Variants in CTAGE6 observed in about 807,000 individuals in gnomAD.
CTAGE6 encodes CTAGE family member 6.
Under a neutral mutation model 28.1 loss-of-function variants are expected in CTAGE6, and 2 were observed. The ratio of observed to expected loss-of-function variants is 0.07; its 90% CI spans 0.03 to 0.22. The LOEUF (loss-of-function observed/expected upper bound fraction) is 0.22. Ranked by LOEUF, CTAGE6 falls within the 10% of genes least tolerant of loss-of-function variation. CTAGE6 has a pLI of 1.00. For missense variants in CTAGE6, 51 were observed against 433.4 expected (o/e 0.12, Z 7.83); for synonymous variants, 9 against 151.0 (o/e 0.06, Z 6.90).
In CTAGE6 at chr7:143,755,851, T is replaced by C; in HGVS notation, c.1808A>G (p.Gln603Arg). The C allele has an allele frequency of 4.6e-6, 1 of 216,904 alleles. No individual in the cohort carries two copies. The highest frequency in any genetic ancestry group is 7.4e-6 in the Non-Finnish European group (1 of 134,338). 13.4% of individuals were successfully genotyped at this position (216,904 alleles called of 1,614,324 possible). A position where few individuals can be genotyped will look rare whatever the true frequency, so the allele number is the denominator to read the frequency against. The change falls in exon 1 of 1, where the codon CAG becomes CGG. Residue 603 changes from glutamine to arginine, a missense_variant. By Grantham distance (43) the Gln-to-Arg change is conservative. Transcript: ENST00000470691. ...TGGAGGAAACATCATCTTACAGTCC[T>C]GTTCCACCGGAGATGACAGGGACCC... ...DTGSLSSPVE[Q>R]DCKMMFPPPG... is the part of the protein sequence containing the mutation.
Position 143,756,301 on chromosome 7 carries a change from T to G in CTAGE6, c.1358A>C (p.Lys453Thr), listed in dbSNP as rs1043161405. ...TCTTTTCTCGTAGGAAATAACCTGC[T>G]TTTGATAAAAATGAACAGTTCTCTC... The part of the protein sequence containing the change: ...ELERTVHFYQ[K>T]QVISYEKRGH... The change falls in exon 1 of 1, where the codon AAG becomes ACG. Residue 453 changes from lysine (K) to threonine (T), a missense_variant. Transcript: ENST00000470691. 6.2e-7 allele frequency: 1 copy of G among 1,603,118 alleles called. No individual in the cohort carries two copies. The highest frequency in any genetic ancestry group is 1.4e-5 in the African/African-American group (1 of 73,782).
At position 143,756,423 on chromosome 7, in the gene CTAGE6, T is replaced by C. The variant is rs1810191294; in HGVS notation, c.1236A>G (p.Glu412=). ...LTVEENYRIE[E]EEKLSKVEEK... ...CTTCCACTTTAGAAAGCTTCTCTTCTTCCTCTATTCGGTAATTTTCCTCCA... is the reference window on the plus strand; with the variant it reads ...CTTCCACTTTAGAAAGCTTCTCTTCCTCCTCTATTCGGTAATTTTCCTCCA... The change falls in exon 1 of 1, where the codon GAA becomes GAG. Residue 412 remains glutamate (E), a synonymous_variant. Transcript: ENST00000470691. 6.2e-7 allele frequency: 1 copy of C among 1,606,900 alleles called. No homozygotes were observed. The highest frequency in any genetic ancestry group is 8.5e-7 in the Non-Finnish European group (1 of 1,175,282).
Position 143,756,575 on chromosome 7 carries a change from G to C in CTAGE6, c.1084C>G (p.Gln362Glu), listed in dbSNP as rs1312565882. The C allele has an allele frequency of 6.2e-7, 1 of 1,600,788 alleles. No homozygotes were observed. Among genetic ancestry groups the C allele is most frequent in the African/African-American group, 1.4e-5 (1 of 73,792 alleles). Reference sequence around the variant, plus strand: ...TTTTCTGATTGCAAAGATTCTTGTTGAGTCTGAAGATTTTTAATATGCTCT... The same window carrying C: ...TTTTCTGATTGCAAAGATTCTTGTTCAGTCTGAAGATTTTTAATATGCTCT... ...LTEHIKNLQT[Q>E]QESLQSENIY... The change falls in exon 1 of 1, where the codon CAA (glutamine) becomes GAA (glutamate). Residue 362 changes from glutamine (Q) to glutamate (E), a missense_variant. By Grantham distance (29) the Gln-to-Glu change is conservative (BLOSUM62 2). Coordinates refer to ENST00000470691, the MANE Select transcript of CTAGE6 (RefSeq NM_178561.5).
Position 143,756,584 on chromosome 7 carries a change from G to C in CTAGE6, c.1075C>G (p.Leu359Val). 6.2e-7 allele frequency: 1 copy of C among 1,600,594 alleles called. No individual in the cohort carries two copies. The highest frequency in any genetic ancestry group is 2.2e-5 in the East Asian group (1 of 44,694). Residue 359 changes from leucine to valine, a missense_variant, in exon 1 of 1, where the codon CTT becomes GTT. Leu to Val is a conservative substitution (Grantham distance 32, BLOSUM62 1). Transcript: ENST00000470691. ...TGCAAAGATTCTTGTTGAGTCTGAA[G>C]ATTTTTAATATGCTCTGTAAGCTCT... ...KEELTEHIKN[L>V]QTQQESLQSE... is the part of the protein sequence containing the mutation.
chr7:143,757,076 AGAT>A lies in CTAGE6; in HGVS notation c.580_582del (p.Ile194del). Reference sequence around the variant, plus strand: ...TCTTCACTCATTTTAAATGTCTTGCAGATGATTTTGGCTTCAGCTATTTGTGAT... The same window carrying A: ...TCTTCACTCATTTTAAATGTCTTGCAGATTTTGGCTTCAGCTATTTGTGAT... On this transcript the variant is annotated inframe_deletion, in exon 1 of 1. Transcript: ENST00000470691. 2 of 857,568 alleles carry A rather than the reference AGAT, an allele frequency of 2.3e-6. No homozygotes were observed. Among genetic ancestry groups the A allele is most frequent in the South Asian group, 1.6e-5 (1 of 61,030 alleles). 53.1% of individuals were successfully genotyped at this position (857,568 alleles called of 1,614,324 possible).
chr7:143,756,125 T>C lies in CTAGE6; in HGVS notation c.1534A>G (p.Thr512Ala). Residue 512 changes from threonine (T) to alanine (A), a missense_variant, in exon 1 of 1, where the codon ACA (threonine) becomes GCA (alanine). Physicochemically the swap from Thr to Ala is moderately conservative, Grantham distance 58 (BLOSUM62 0). Transcript: ENST00000470691. ...KDPNALDVSN[T>A]AFGREHAPNG... ...GGGGCATGCTCTCTGCCAAATGCTG[T>C]ATTTGAAACATCAAGTGCATTAGGA... 3.0e-6 allele frequency: 4 copies of C among 1,339,566 alleles called. 1 individual carries two copies. The allele number at this position is 1,339,566 out of a possible 1,614,324, so 83.0% of individuals were successfully genotyped here.
Position 143,756,516 on chromosome 7 carries a change from T to G in CTAGE6, c.1143A>C (p.Gln381His), listed in dbSNP as rs766142704. ...ATTCAGTCATTATTTTAAGTTTCTGTTGAAGCTTCTGATTCTCACTTTCAA... is the reference window on the plus strand; with the variant it reads ...ATTCAGTCATTATTTTAAGTTTCTGGTGAAGCTTCTGATTCTCACTTTCAA... ...IYFESENQKL[Q>H]QKLKIMTEFY... Residue 381 changes from glutamine (Q) to histidine (H), a missense_variant, in exon 1 of 1, where the codon CAA becomes CAC. Gln to His is a conservative substitution (Grantham distance 24). Coordinates refer to ENST00000470691, the MANE Select transcript of CTAGE6 (RefSeq NM_178561.5). 4 of 1,604,874 alleles carry G rather than the reference T, an allele frequency of 2.5e-6. No homozygotes were observed. The East Asian group carries it at 6.7e-5, about 27-fold the overall frequency.
chr7:143,756,416 T>G lies in CTAGE6; in HGVS notation c.1243A>C (p.Lys415Gln). 1 of 1,607,072 alleles carries G rather than the reference T, an allele frequency of 6.2e-7. No homozygotes were observed. ...EENYRIEEEE[K>Q]LSKVEEKLSR... ...AGCTTTTCTTCCACTTTAGAAAGCT[T>G]CTCTTCTTCCTCTATTCGGTAATTT... Residue 415 changes from lysine to glutamine, a missense_variant, in exon 1 of 1, where the codon AAG (lysine) becomes CAG (glutamine). Transcript: ENST00000470691.
At position 143,756,489 on chromosome 7, in the gene CTAGE6, G is replaced by C; in HGVS notation, c.1170C>G (p.Phe390Leu). 1 of 1,605,494 alleles carries C rather than the reference G, an allele frequency of 6.2e-7. No individual in the cohort carries two copies. Among genetic ancestry groups the C allele is most frequent in the East Asian group, 2.2e-5 (1 of 44,832 alleles). Residue 390 changes from phenylalanine (F) to leucine (L), a missense_variant, in exon 1 of 1, where the codon TTC becomes TTG. Coordinates refer to ENST00000470691, the MANE Select transcript of CTAGE6 (RefSeq NM_178561.5). ...LQQKLKIMTEFYQEDEMKLYR... is the reference protein window; with the variant it reads ...LQQKLKIMTELYQEDEMKLYR... ...AGAGTTTCATTTCATCTTCTTGATA[G>C]AATTCAGTCATTATTTTAAGTTTCT... is the stretch of plus-strand genomic sequence containing the variant.
In CTAGE6 at chr7:143,755,558, C is replaced by T. The variant is rs1403645619; in HGVS notation, c.2101G>A (p.Val701Ile). The change falls in exon 1 of 1, where the codon GTC (valine) becomes ATC (isoleucine). Residue 701 changes from valine (V) to isoleucine (I), a missense_variant. Coordinates refer to ENST00000470691, the MANE Select transcript of CTAGE6 (RefSeq NM_178561.5). The part of the protein sequence containing the change: ...PGFIPPPLAP[V>I]RGPLFPVDTR... ...TCCACTGGAAACAATGGTCCTCTGA[C>T]TGGAGCAAGAGGTGGAGGAATAAAG... is the stretch of plus-strand genomic sequence containing the variant. The T allele has an allele frequency of 0.032, 130 of 4,042 alleles. 1 individual carries two copies. Among genetic ancestry groups the T allele is most frequent in the Non-Finnish European group, 0.034 (81 of 2,372 alleles). The allele number at this position is 4,042 out of a possible 1,614,324, so 0.3% of individuals were successfully genotyped here. A position where few individuals can be genotyped will look rare whatever the true frequency, so the allele number is the denominator to read the frequency against.
Position 143,755,760 on chromosome 7 carries a change from A to C in CTAGE6, c.1899T>G (p.Ser633=). 1 of 62,682 alleles carries C rather than the reference A, an allele frequency of 1.6e-5. No homozygotes were observed. The highest frequency in any genetic ancestry group is 2.5e-5 in the Non-Finnish European group (1 of 40,264). The allele number at this position is 62,682 out of a possible 1,614,324, so 3.9% of individuals were successfully genotyped here. A position where few individuals can be genotyped will look rare whatever the true frequency, so the allele number is the denominator to read the frequency against. ...GTTCTGCTGATCCAGACAGTCTTTC[A>C]GAATTAGAATAAAATCTGTCTTCCC... ...PQREDRFYSN[S]ERLSGSAEPR... is the part of the protein sequence containing the mutation. Residue 633 remains serine, a synonymous_variant, in exon 1 of 1, where the codon TCT becomes TCG. Coordinates refer to ENST00000470691, the MANE Select transcript of CTAGE6 (RefSeq NM_178561.5).
In CTAGE6 at chr7:143,756,336, T is replaced by C; in HGVS notation, c.1323A>G (p.Glu441=). The change falls in exon 1 of 1, where the codon GAA becomes GAG. Residue 441 remains glutamate, a synonymous_variant. Transcript: ENST00000470691. ...ETYRKLAKDL[E]EELERTVHFY... is the part of the protein sequence containing the mutation. ...AATGAACAGTTCTCTCCAATTCTTCTTCAAGATCTTTGGCTAGCTTTCTAT... is the reference window on the plus strand; with the variant it reads ...AATGAACAGTTCTCTCCAATTCTTCCTCAAGATCTTTGGCTAGCTTTCTAT... 1 of 1,605,312 alleles carries C rather than the reference T, an allele frequency of 6.2e-7. No homozygotes were observed. The highest frequency in any genetic ancestry group is 1.1e-5 in the South Asian group (1 of 89,978).
Position 143,757,463 on chromosome 7 carries a change from C to T in CTAGE6, c.196G>A (p.Val66Ile). The change falls in exon 1 of 1, where the codon GTT becomes ATT. Residue 66 changes from valine (V) to isoleucine (I), a missense_variant. Val to Ile is a conservative substitution (Grantham distance 29). Transcript: ENST00000470691. ...LLFLWRSFRS[V>I]RSRLYVGREQ... The stretch of plus-strand genomic sequence containing the variant: ...CTTCCCACGTAAAGCCGACTCCTAA[C>T]CGATCTAAAACTTCTCCACAAAAAA... 5.4e-6 allele frequency: 1 copy of T among 184,768 alleles called. No individual in the cohort carries two copies. The highest frequency in any genetic ancestry group is 8.8e-6 in the Non-Finnish European group (1 of 113,648). 11.4% of individuals were successfully genotyped at this position (184,768 alleles called of 1,614,324 possible).
Position 143,756,479 on chromosome 7 carries a change from C to T in CTAGE6, c.1180G>A (p.Asp394Asn), listed in dbSNP as rs1357835613. The T allele has an allele frequency of 8.1e-6, 13 of 1,605,552 alleles. 1 individual carries two copies. The highest frequency in any genetic ancestry group is 4.0e-5 in the African/African-American group (3 of 74,326). The stretch of plus-strand genomic sequence containing the variant: ...AATTTCCTATAGAGTTTCATTTCAT[C>T]TTCTTGATAGAATTCAGTCATTATT... ...LKIMTEFYQE[D>N]EMKLYRKLTV... The change falls in exon 1 of 1, where the codon GAT (aspartate) becomes AAT (asparagine). Residue 394 changes from aspartate (D) to asparagine (N), a missense_variant. Physicochemically the swap from Asp to Asn is conservative, Grantham distance 23 (BLOSUM62 1). Coordinates refer to ENST00000470691, the MANE Select transcript of CTAGE6 (RefSeq NM_178561.5).
chr7:143,756,486 A>G lies in CTAGE6; in HGVS notation c.1173T>C (p.Tyr391=). The G allele has an allele frequency of 1.2e-6, 2 of 1,605,578 alleles. No homozygotes were observed. Among genetic ancestry groups the G allele is most frequent in the Non-Finnish European group, 1.7e-6 (2 of 1,175,102 alleles). Residue 391 remains tyrosine, a synonymous_variant, in exon 1 of 1, where the codon TAT becomes TAC. Coordinates refer to ENST00000470691, the MANE Select transcript of CTAGE6 (RefSeq NM_178561.5). ...QQKLKIMTEF[Y]QEDEMKLYRK... ...TATAGAGTTTCATTTCATCTTCTTG[A>G]TAGAATTCAGTCATTATTTTAAGTT...
Position 143,756,537 on chromosome 7 carries a change from T to C in CTAGE6, c.1122A>G (p.Glu374=). 6.2e-7 allele frequency: 1 copy of C among 1,603,370 alleles called. No individual in the cohort carries two copies. Among genetic ancestry groups the C allele is most frequent in the Non-Finnish European group, 8.5e-7 (1 of 1,174,216 alleles). ...ESLQSENIYF[E]SENQKLQQKL... is the part of the protein sequence containing the mutation. Reference sequence around the variant, plus strand: ...TCTGTTGAAGCTTCTGATTCTCACTTTCAAAATATATGTTTTCTGATTGCA... The same window carrying C: ...TCTGTTGAAGCTTCTGATTCTCACTCTCAAAATATATGTTTTCTGATTGCA... Residue 374 remains glutamate (E), a synonymous_variant, in exon 1 of 1, where the codon GAA becomes GAG. Coordinates refer to ENST00000470691, the MANE Select transcript of CTAGE6 (RefSeq NM_178561.5).
rs199734118 is a variant in CTAGE6 at position 143,756,451 on chromosome 7, G to A, written c.1208C>T (p.Thr403Ile). The change falls in exon 1 of 1, where the codon ACA becomes ATA. Residue 403 changes from threonine (T) to isoleucine (I), a missense_variant. By Grantham distance (89) the Thr-to-Ile change is moderately conservative. Transcript: ENST00000470691. ...EDEMKLYRKLTVEENYRIEEE... is the reference protein window; with the variant it reads ...EDEMKLYRKLIVEENYRIEEE... ...CTCTATTCGGTAATTTTCCTCCACT[G>A]TTAATTTCCTATAGAGTTTCATTTC... 2,029 of 1,601,514 alleles carry A rather than the reference G, an allele frequency of 1.3e-3. 1 individual carries two copies. In the African/African-American group the frequency reaches 0.025, roughly 20 times the overall value.
rs1213672642 is a variant in CTAGE6, at chr7:143,756,694, G to C, written c.965C>G (p.Ala322Gly). Reference protein sequence around the residue: ...KGALKKLIHAAKLNVSLKSLE... With the variant: ...KGALKKLIHAGKLNVSLKSLE... ...GCTTTTTAAAGAAACATTTAACTTA[G>C]CAGCATGAATCAGTTTCTTCAAAGC... Residue 322 changes from alanine to glycine, a missense_variant, in exon 1 of 1, where the codon GCT (alanine) becomes GGT (glycine). Transcript: ENST00000470691. 3.8e-6 allele frequency: 6 copies of C among 1,570,418 alleles called. No individual in the cohort carries two copies. The highest frequency in any genetic ancestry group is 3.8e-5 in the Admixed American group (2 of 52,976).
chr7:143,756,458 T>C lies in CTAGE6; in HGVS notation c.1201A>G (p.Lys401Glu). The C allele has an allele frequency of 6.2e-7, 1 of 1,606,070 alleles. No homozygotes were observed. The highest frequency in any genetic ancestry group is 8.5e-7 in the Non-Finnish European group (1 of 1,175,154). Reference protein sequence around the residue: ...YQEDEMKLYRKLTVEENYRIE... With the variant: ...YQEDEMKLYRELTVEENYRIE... ...CGGTAATTTTCCTCCACTGTTAATT[T>C]CCTATAGAGTTTCATTTCATCTTCT... The change falls in exon 1 of 1, where the codon AAA becomes GAA. Residue 401 changes from lysine (K) to glutamate (E), a missense_variant. Lys to Glu is a moderately conservative substitution (Grantham distance 56). Transcript: ENST00000470691.
Sources: allele counts gnomAD v4.1 joint callset, GRCh38; gene constraint gnomAD v4.1.1; transcripts MANE v1.5; gene names NCBI Gene and HGNC (gene_info 2026-07-23, HGNC 2026-07-21).